HMCN1: variants seen among roughly 807,000 people sequenced by gnomAD.
The protein encoded by HMCN1 is hemicentin 1, also known as hemicentin-1.
A neutral mutation model predicts 625.9 loss-of-function variants in HMCN1; 321 were observed. The observed-to-expected ratio is 0.51, with a 90% CI of 0.47 to 0.56. HMCN1 has a LOEUF of 0.56. Ranked by LOEUF, HMCN1 falls within the 20% of genes least tolerant of loss-of-function variation. HMCN1 has a pLI of 0.00. For missense variants in HMCN1, 6,588 were observed against 6,887.3 expected, an observed-to-expected ratio of 0.96 and a Z score of 1.54; for synonymous variants, 2,425 against 2,417.6, an observed-to-expected ratio of 1.00 and a Z score of -0.09.
intron 2 of HMCN1, among the ~76,000 whole-genome samples, chr1:185,849,127 C>A (rs1272876452): frequency 6.6e-6 from 1 of 151,918 alleles, no homozygotes; most frequent in Non-Finnish European, 1.5e-5. Context: ...CCTTTCATTC[C>A]CATCTAGTGC....
chr1:186,119,174 T>A lies in HMCN1; in HGVS notation c.11849-17T>A. The A allele has an allele frequency of 6.4e-7, 1 of 1,559,690 alleles. No homozygotes were observed. Among genetic ancestry groups the A allele is most frequent in the Non-Finnish European group, 8.8e-7 (1 of 1,131,712 alleles). ...CTGAGATGCAGTATATATTAAAACA[T>A]TTTTTTTCATTTTTAGGAGCAATTG... On this transcript the variant is annotated splice_polypyrimidine_tract_variant and intron_variant, in intron 77 of 106. Transcript: ENST00000271588.
intron 42 of HMCN1, among the ~76,000 whole-genome samples, chr1:186,050,661 C>T (rs997621632): frequency 2.5e-4 from 38 of 151,962 alleles, no homozygotes; most frequent in African/African-American, 9.2e-4. Context: ...AATATGCAGA[C>T]CAGTACCTCT....
intron 38 of HMCN1, 136 bp downstream of exon 38, chr1:186,039,141 A>G: frequency 1.4e-6 from 1 of 729,004 alleles, no homozygotes; most frequent in Non-Finnish European, 2.5e-6. Flanking sequence ...AGTGTTCTAA[A>G]ACTTATAAAT....
chr1:185,970,638 G>A (rs1330607399), intron 15 of HMCN1, 145 bp downstream of exon 15: 1 of 729,286 alleles, frequency 1.4e-6, no homozygotes, highest in Non-Finnish European at 2.4e-6. Flanking sequence ...AATAACAGTA[G>A]TTAGCATTTA....
At chr1:186,170,755 C>G (rs1163032596) in intron 100 of HMCN1, among the ~76,000 whole-genome samples, 2 of 152,148 alleles carry the variant, frequency 1.3e-5, no homozygotes, top group Non-Finnish European at 2.9e-5. Context: ...AGAAGGTACA[C>G]AAACCACAGG....
intron 45 of HMCN1, among the ~76,000 whole-genome samples, chr1:186,056,585 T>A (rs535014429): frequency 2.0e-5 from 3 of 152,060 alleles, no homozygotes; most frequent in African/African-American, 7.2e-5. Context: ...AAAACTCATG[T>A]CCTTTGCAGC....
At chr1:185,832,759 A>C (rs891330203) in intron 1 of HMCN1, among the ~76,000 whole-genome samples, 4 of 152,218 alleles carry the variant, frequency 2.6e-5, no homozygotes, top group Non-Finnish European at 5.9e-5. Flanking sequence ...AAAGATTAAT[A>C]AAGTTTACTT....
At chr1:185,984,377 A>G (rs1379679198) in intron 19 of HMCN1, 64 bp downstream of exon 19, 4 of 1,461,658 alleles carry the variant, frequency 2.7e-6, no homozygotes, top group Non-Finnish European at 3.8e-6. Flanking sequence ...CTTATATTTT[A>G]ATCAAATAAC....
Position 186,145,906 on chromosome 1 carries a change from A to C in HMCN1, c.14591A>C (p.Asn4864Thr). ...PGDTTQVTRCNVQACPGGPQR... is the reference protein window; with the variant it reads ...PGDTTQVTRCTVQACPGGPQR... ...GACACTACTCAGGTGACCAGGTGCAATGTACAAGCATGTCCAGGTAAGCAA... is the reference window on the plus strand; with the variant it reads ...GACACTACTCAGGTGACCAGGTGCACTGTACAAGCATGTCCAGGTAAGCAA... The change falls in exon 93 of 107, where the codon AAT (asparagine) becomes ACT (threonine). Residue 4864 changes from asparagine to threonine, a missense_variant. Physicochemically the swap from Asn to Thr is moderately conservative, Grantham distance 65 (BLOSUM62 0). This residue lies in a region of HMCN1 where 1,954 missense variants were observed against 2,013.1 expected (regional missense o/e 0.97). Coordinates refer to ENST00000271588, the MANE Select transcript of HMCN1 (RefSeq NM_031935.3). 1 of 1,614,018 alleles carries C rather than the reference A, an allele frequency of 6.2e-7. No individual in the cohort carries two copies. The highest frequency in any genetic ancestry group is 8.5e-7 in the Non-Finnish European group (1 of 1,179,978).
chr1:185,840,998 C>T (rs1661440157), intron 1 of HMCN1, among the ~76,000 whole-genome samples: 1 of 152,100 alleles, frequency 6.6e-6, no homozygotes, highest in Non-Finnish European at 1.5e-5. Flanking sequence ...TAGCAGAAAT[C>T]TGTAAGTGGA....
chr1:185,898,532 G>T (rs1264554825), intron 4 of HMCN1, among the ~76,000 whole-genome samples: 1 of 152,054 alleles, frequency 6.6e-6, no homozygotes, highest in Non-Finnish European at 1.5e-5. Context: ...AAGGGAGATG[G>T]GTCCTAGCTC....
chr1:185,829,686 AT>A (rs1428907927), intron 1 of HMCN1, among the ~76,000 whole-genome samples: 4 of 151,986 alleles, frequency 2.6e-5, no homozygotes, highest in Non-Finnish European at 4.4e-5. Flanking sequence ...GATTCCATGT[AT>A]TTGTTATTGT....
At chr1:185,984,944 A>C (rs1359211222) in intron 19 of HMCN1, among the ~76,000 whole-genome samples, 2 of 152,098 alleles carry the variant, frequency 1.3e-5, no homozygotes, top group Non-Finnish European at 2.9e-5. Flanking sequence ...CTTTTTTAAA[A>C]AAAACAAAAA....
At chr1:185,889,205 T>A (rs563513232) in intron 4 of HMCN1, among the ~76,000 whole-genome samples, 2,261 of 139,724 alleles carry the variant, frequency 0.016, 32 homozygotes, top group African/African-American at 0.07. Flanking sequence ...TAAGGAGATT[T>A]TGGGCTGAGA....
chr1:186,018,330 G>A lies in HMCN1; in HGVS notation c.5448G>A (p.Lys1816=), dbSNP rs1485215763. 6.2e-7 allele frequency: 1 copy of A among 1,612,772 alleles called. No homozygotes were observed. The highest frequency in any genetic ancestry group is 8.5e-7 in the Non-Finnish European group (1 of 1,179,030). Residue 1816 remains lysine, a synonymous_variant, in exon 34 of 107, where the codon AAG becomes AAA. Coordinates refer to ENST00000271588, the MANE Select transcript of HMCN1 (RefSeq NM_031935.3). ...CAAATACTGCTGGAGACCACAAGAA[G>A]GAATTTGAAGTGACTGTTCATGGTA... ...MAANTAGDHK[K]EFEVTVHVPP...
chr1:185,848,809 T>C (rs1466285253), intron 2 of HMCN1, among the ~76,000 whole-genome samples: 4 of 139,228 alleles, frequency 2.9e-5, no homozygotes, highest in Non-Finnish European at 4.4e-5. Flanking sequence ...CAACTGTTAG[T>C]AAGTGTTGTT....
chr1:185,936,418 G>A (rs932004594), intron 11 of HMCN1, among the ~76,000 whole-genome samples: 2 of 151,872 alleles, frequency 1.3e-5, no homozygotes, highest in African/African-American at 2.4e-5. Flanking sequence ...TATGTATATA[G>A]AACATTTATC....
At chr1:185,984,146 A>ATTACC in intron 18 of HMCN1, 23 bp from the exon 19 acceptor site, 1 of 1,604,576 alleles carries the variant, frequency 6.2e-7, no homozygotes, top group Non-Finnish European at 8.5e-7. Flanking sequence ...TTAAATAAAA[A>ATTACC]TTACCTTTTT....
chr1:186,174,413 G>A, intron 102 of HMCN1, 101 bp from the exon 103 acceptor site: 3 of 1,417,722 alleles, frequency 2.1e-6, no homozygotes, highest in Non-Finnish European at 3.0e-6. Context: ...CACTTGGTGA[G>A]AAATGCAACC....
Sources: allele counts gnomAD v4.1 joint callset (sites outside exome capture counted in the v4.1 genomes callset), GRCh38; gene constraint gnomAD v4.1.1; regional missense constraint gnomAD v4.1.1; transcripts MANE v1.5; gene names NCBI Gene and HGNC (gene_info 2026-07-23, HGNC 2026-07-21).